Variants in SCFD2 observed in about 807,000 individuals in gnomAD.
SCFD2 encodes the protein sec1 family domain-containing protein 2.
SCFD2 carries 54 observed loss-of-function variants against 58.9 expected under a neutral mutation model. The observed-to-expected ratio is 0.92, with a 90% CI of 0.74 to 1.15. The LOEUF (loss-of-function observed/expected upper bound fraction) is 1.15. Among genes scored for constraint, SCFD2 ranks in the 50% most tolerant of loss-of-function variants. SCFD2 has a pLI of 0.00. For synonymous variants in SCFD2, 321 were observed against 335.9 expected (o/e 0.96, Z 0.49); for missense variants, 805 against 836.6 (o/e 0.96, Z 0.47).
chr4:53,097,875 T>G (rs1028326964), intron 5 of SCFD2, among the ~76,000 whole-genome samples: 1 of 152,218 alleles, frequency 6.6e-6, no homozygotes, highest in African/African-American at 2.4e-5. Context: ...CTCTTATTAT[T>G]TTGAGATATG....
chr4:53,238,034 T>G (rs564152919), intron 4 of SCFD2, among the ~76,000 whole-genome samples: 1 of 49,158 alleles, frequency 2.0e-5, no homozygotes, highest in Non-Finnish European at 4.1e-5. Context: ...CAAGATGGGG[T>G]GGCTGGCCGG....
chr4:53,294,779 C>T (rs116793981), intron 3 of SCFD2, among the ~76,000 whole-genome samples: 2,566 of 150,952 alleles, frequency 0.017, 79 homozygotes, highest in African/African-American at 0.059. Context: ...TCAGGTATTG[C>T]GTTTAAGTCT....
At chr4:53,218,682 C>A (rs1053081713) in intron 4 of SCFD2, among the ~76,000 whole-genome samples, 1 of 152,182 alleles carries the variant, frequency 6.6e-6, no homozygotes, top group South Asian at 2.1e-4. Flanking sequence ...CCGTTGCTGG[C>A]GACGAGCTGC....
At chr4:53,265,653 CTA>C in intron 4 of SCFD2, 1 of 152,010 alleles carries the variant, frequency 6.6e-6, no homozygotes, top group Non-Finnish European at 1.5e-5. Context: ...AGTTCAAGCA[CTA>C]GTTATTGTTA....
chr4:53,356,957 C>T (rs1734419956), intron 1 of SCFD2, among the ~76,000 whole-genome samples: 1 of 151,968 alleles, frequency 6.6e-6, no homozygotes, highest in Non-Finnish European at 1.5e-5. Flanking sequence ...TAAACCACCA[C>T]ACCTACCTTC....
rs143184453 is a variant in SCFD2 at position 53,269,750 on chromosome 4, G to A, written c.1311+4076C>T. Among the ~76,000 whole-genome samples the A allele has an allele frequency of 1.2e-3, 182 of 152,212 alleles. 7 individuals are homozygous for A. In the East Asian group the frequency reaches 0.031, roughly 26 times the overall value. The stretch of plus-strand genomic sequence containing the variant: ...AACAATAAAGAAAAAATACAGGCCC[G>A]GTGCAGTGGCTCATGCCTGTAATCC... On this transcript the variant is annotated intron_variant, in intron 4 of 8. Transcript: ENST00000401642.
At chr4:52,901,850 C>T (rs1560475611) in intron 7 of SCFD2, among the ~76,000 whole-genome samples, 1 of 152,222 alleles carries the variant, frequency 6.6e-6, no homozygotes, top group Non-Finnish European at 1.5e-5. Flanking sequence ...CTAGTAAAGG[C>T]AAAATCCAGC....
At chr4:52,967,053 T>C (rs1023769281) in intron 5 of SCFD2, among the ~76,000 whole-genome samples, 7 of 152,246 alleles carry the variant, frequency 4.6e-5, no homozygotes, top group African/African-American at 1.7e-4. Flanking sequence ...TTTCTGTCTC[T>C]ATGAATTTGA....
chr4:53,140,068 C>G (rs547406559), intron 5 of SCFD2, among the ~76,000 whole-genome samples: 1 of 151,470 alleles, frequency 6.6e-6, no homozygotes, highest in Admixed American at 6.6e-5. Context: ...ACAAACACTG[C>G]GGAAGGCGGC....
intron 5 of SCFD2, among the ~76,000 whole-genome samples, chr4:52,985,068 A>C (rs907823928): frequency 1.3e-5 from 2 of 152,218 alleles, no homozygotes; most frequent in Admixed American, 1.3e-4. Flanking sequence ...CAGTTCGCTC[A>C]TTTAATTGGG....
intron 4 of SCFD2, among the ~76,000 whole-genome samples, chr4:53,164,116 C>T (rs1455628853): frequency 6.6e-6 from 1 of 152,122 alleles, no homozygotes; most frequent in African/African-American, 2.4e-5. Flanking sequence ...GATGAACACT[C>T]TATAAGGTAC....
intron 2 of SCFD2, among the ~76,000 whole-genome samples, chr4:53,334,108 C>T (rs1460116877): frequency 6.6e-6 from 1 of 152,096 alleles, no homozygotes; most frequent in Non-Finnish European, 1.5e-5. Flanking sequence ...ACAACACGTG[C>T]TGGAGAGGAT....
intron 5 of SCFD2, chr4:52,949,889 G>A (rs528148735): frequency 1.3e-5 from 2 of 152,346 alleles, no homozygotes; most frequent in African/African-American, 2.4e-5. Context: ...TGCAGCCTCT[G>A]GTGACAGGGT....
At chr4:53,035,460 C>A (rs1430753956) in intron 5 of SCFD2, among the ~76,000 whole-genome samples, 5 of 152,030 alleles carry the variant, frequency 3.3e-5, no homozygotes. Flanking sequence ...GCAACAAAAG[C>A]CAAAATTGAC....
At chr4:52,979,067 G>T (rs60439091) in intron 5 of SCFD2, among the ~76,000 whole-genome samples, 5 of 150,408 alleles carry the variant, frequency 3.3e-5, no homozygotes, top group Non-Finnish European at 5.9e-5. Flanking sequence ...CCTTTTTTTG[G>T]GGGGGGGAGT....
At position 53,218,486 on chromosome 4, in the gene SCFD2, G is replaced by T. The variant is rs1267843510; in HGVS notation, c.1311+55340C>A. On this transcript the variant is annotated intron_variant, in intron 4 of 8. Coordinates refer to ENST00000401642, the MANE Select transcript of SCFD2 (RefSeq NM_152540.4). Reference sequence around the variant, plus strand: ...CATGGTTCTCATGTCATGGTTTTCAGCTCCATCAGGTCCTTTAAGGACTTC... The same window carrying T: ...CATGGTTCTCATGTCATGGTTTTCATCTCCATCAGGTCCTTTAAGGACTTC... 1.6e-4 allele frequency among the ~76,000 whole-genome samples: 25 copies of T among 152,264 alleles called. No homozygotes were observed. The East Asian group carries it at 4.8e-3, about 29-fold the overall frequency.
chr4:52,908,063 C>T (rs1719390765), intron 6 of SCFD2, among the ~76,000 whole-genome samples: 1 of 152,092 alleles, frequency 6.6e-6, no homozygotes, highest in Admixed American at 6.5e-5. Context: ...TAAAGCAATC[C>T]CTCTTCCTTC....
At chr4:53,039,595 G>C (rs188825504) in intron 5 of SCFD2, among the ~76,000 whole-genome samples, 23 of 152,268 alleles carry the variant, frequency 1.5e-4, no homozygotes, top group African/African-American at 5.5e-4. Flanking sequence ...CTGGGCCTGA[G>C]TTTAGGCATA....
intron 4 of SCFD2, among the ~76,000 whole-genome samples, chr4:53,263,487 T>G (rs1190866429): frequency 6.6e-6 from 1 of 152,234 alleles, no homozygotes; most frequent in Admixed American, 6.5e-5. Flanking sequence ...TGGGGCTTCC[T>G]GAGAGCTGCA....
Sources: gnomAD v4.1 joint callset for allele counts (sites outside exome capture counted in the v4.1 genomes callset) on GRCh38, gnomAD v4.1.1 for gene constraint, MANE v1.5 for transcripts, NCBI Gene and HGNC (gene_info 2026-07-23, HGNC 2026-07-21) for gene names.